The following RYR3 variants were observed in gnomAD, a reference collection of about 807,000 sequenced individuals.
RYR3 encodes the protein ryanodine receptor 3.
In RYR3, 207 loss-of-function variants were observed where a neutral mutation model predicts 584.3. That is an observed-to-expected ratio of 0.35 (90% CI 0.32 to 0.40). RYR3 has a LOEUF of 0.40. Ranked by LOEUF, RYR3 falls within the 10% of genes least tolerant of loss-of-function variation. The pLI is 1.00. For synonymous variants in RYR3, 2,416 were observed against 2,248.5 expected, an observed-to-expected ratio of 1.07 and a Z score of -2.11; for missense variants, 5,616 against 6,089.2, an observed-to-expected ratio of 0.92 and a Z score of 2.59.
At chr15:33,784,361 A>G (rs735611) in intron 65 of RYR3, among the ~76,000 whole-genome samples, 30 of 152,352 alleles carry the variant, frequency 2.0e-4, no homozygotes, top group African/African-American at 7.0e-4. Context: ...CTAGAGAAGA[A>G]AGACCTCAAG....
rs1445469952 is a variant in RYR3 at position 33,724,094 on chromosome 15, A to G, written c.6830A>G (p.Glu2277Gly). The change falls in exon 45 of 104, where the codon GAA becomes GGA. Residue 2277 changes from glutamate to glycine, a missense_variant. By Grantham distance (98) the Glu-to-Gly change is moderately conservative. This residue lies in a region of RYR3 where 1,280 missense variants were observed against 1,426.2 expected (regional missense o/e 0.90). Transcript: ENST00000634891. ...VSTGDDEEEE[E>G]IVHMGNAIMS... Reference sequence around the variant, plus strand: ...ACGGGGGACGATGAAGAGGAAGAAGAAATCGTGCATATGGGCAATGCAATT... The same window carrying G: ...ACGGGGGACGATGAAGAGGAAGAAGGAATCGTGCATATGGGCAATGCAATT... 1.2e-6 allele frequency: 2 copies of G among 1,611,842 alleles called. No individual in the cohort carries two copies. The highest frequency in any genetic ancestry group is 1.3e-5 in the African/African-American group (1 of 74,896).
intron 102 of RYR3, among the ~76,000 whole-genome samples, chr15:33,863,119 C>T (rs72716833): frequency 0.01 from 1,544 of 152,230 alleles, 11 homozygotes; most frequent in Non-Finnish European, 0.016. Context: ...GGCACTGTTA[C>T]ACTGGTCTCT....
Position 33,825,657 on chromosome 15 carries a change from G to A in RYR3, c.11127G>A (p.Met3709Ile). ...AGAATAAAGCTGAAGGCCTGGGGATGGTGACTGAAGAAGGAACACGTAAGT... is the reference window on the plus strand; with the variant it reads ...AGAATAAAGCTGAAGGCCTGGGGATAGTGACTGAAGAAGGAACACGTAAGT... ...ERQNKAEGLG[M>I]VTEEGTLIVR... Residue 3709 changes from methionine (M) to isoleucine (I), a missense_variant, in exon 82 of 104, where the codon ATG (methionine) becomes ATA (isoleucine). Met to Ile is a conservative substitution (Grantham distance 10). Around this residue, in one of 9 missense-constraint regions of RYR3, gnomAD observed 954 missense variants for 1,132.2 expected, o/e 0.84. Transcript: ENST00000634891. The A allele has an allele frequency of 1.2e-6, 2 of 1,608,590 alleles. No individual in the cohort carries two copies. Among genetic ancestry groups the A allele is most frequent in the South Asian group, 1.1e-5 (1 of 90,922 alleles).
rs932569732 is a variant in RYR3 at position 33,580,019 on chromosome 15, G to A, written c.1312G>A (p.Glu438Lys). 14 of 1,613,250 alleles carry A rather than the reference G, an allele frequency of 8.7e-6. No homozygotes were observed. Among genetic ancestry groups the A allele is most frequent in the Non-Finnish European group, 1.1e-5 (13 of 1,179,566 alleles). ...TAAPITLPIE[E>K]VLQTLQDLIA... Reference sequence around the variant, plus strand: ...TGCCCCCATCACCCTGCCTATAGAAGAAGTCCTGCAGACCCTACAGGACTT... The same window carrying A: ...TGCCCCCATCACCCTGCCTATAGAAAAAGTCCTGCAGACCCTACAGGACTT... Residue 438 changes from glutamate (E) to lysine (K), a missense_variant, in exon 13 of 104, where the codon GAA becomes AAA. Coordinates refer to ENST00000634891, the MANE Select transcript of RYR3 (RefSeq NM_001036.6).
chr15:33,774,471 C>T (rs1473320644), intron 64 of RYR3, among the ~76,000 whole-genome samples: 5 of 152,116 alleles, frequency 3.3e-5, no homozygotes, highest in African/African-American at 1.2e-4. Context: ...TGGTAGTGAA[C>T]CCTCGTCTCA....
At position 33,736,217 on chromosome 15, in the gene RYR3, T is replaced by A; in HGVS notation, c.7425-18T>A. 6.6e-7 allele frequency: 1 copy of A among 1,518,600 alleles called. No homozygotes were observed. Among genetic ancestry groups the A allele is most frequent in the Non-Finnish European group, 9.1e-7 (1 of 1,095,340 alleles). 94.1% of individuals were successfully genotyped at this position (1,518,600 alleles called of 1,614,324 possible). On this transcript the variant is annotated intron_variant, in intron 48 of 103. Coordinates refer to ENST00000634891, the MANE Select transcript of RYR3 (RefSeq NM_001036.6). The stretch of plus-strand genomic sequence containing the variant: ...TGTTTTCATTTTATTTATCTACGTT[T>A]GTCATTTCATACTGCAGTCACTTGA...
chr15:33,799,127 C>T (rs980932685), intron 67 of RYR3, among the ~76,000 whole-genome samples: 6 of 152,136 alleles, frequency 3.9e-5, no homozygotes, highest in Admixed American at 1.3e-4. Context: ...TGTATTTGCT[C>T]TTCATCTCTG....
At chr15:33,557,826 A>G (rs1487851759) in intron 10 of RYR3, among the ~76,000 whole-genome samples, 3 of 152,236 alleles carry the variant, frequency 2.0e-5, no homozygotes, top group South Asian at 2.1e-4. Flanking sequence ...TAATATGACA[A>G]TTATGACGTG....
chr15:33,354,681 C>T (rs1973720935), intron 1 of RYR3, among the ~76,000 whole-genome samples: 1 of 152,164 alleles, frequency 6.6e-6, no homozygotes, highest in African/African-American at 2.4e-5. Context: ...CTAACTCTCA[C>T]ATATACTCTT....
chr15:33,334,539 G>C (rs1475013907), intron 1 of RYR3, among the ~76,000 whole-genome samples: 4 of 152,048 alleles, frequency 2.6e-5, no homozygotes, highest in African/African-American at 9.7e-5. Context: ...ACTCAAGATG[G>C]ATTAAATACT....
chr15:33,824,812 T>A (rs2152962572), intron 81 of RYR3, among the ~76,000 whole-genome samples: 1 of 152,342 alleles, frequency 6.6e-6, no homozygotes, highest in Non-Finnish European at 1.5e-5. Flanking sequence ...TTCTATGTTC[T>A]ATGAAACCTT....
At chr15:33,588,796 T>C (rs1185358968) in intron 16 of RYR3, among the ~76,000 whole-genome samples, 1 of 146,008 alleles carries the variant, frequency 6.8e-6, no homozygotes, top group Admixed American at 6.9e-5. Flanking sequence ...TCTTTTTTTA[T>C]GACTGAACAG....
chr15:33,781,208 T>C (rs890563290), intron 65 of RYR3, among the ~76,000 whole-genome samples: 1 of 152,206 alleles, frequency 6.6e-6, no homozygotes, highest in Non-Finnish European at 1.5e-5. Context: ...GATAAGGGAA[T>C]AGAATAGAGG....
intron 3 of RYR3, among the ~76,000 whole-genome samples, chr15:33,528,147 G>T (rs1272638608): frequency 1.3e-5 from 2 of 151,948 alleles, no homozygotes; most frequent in Admixed American, 1.3e-4. Context: ...CCCTTTCTAA[G>T]GTACAATTTT....
chr15:33,334,363 G>A (rs1444054798), intron 1 of RYR3, among the ~76,000 whole-genome samples: 1 of 151,970 alleles, frequency 6.6e-6, no homozygotes, highest in Non-Finnish European at 1.5e-5. Flanking sequence ...AATAGAGAAC[G>A]CAGAAATAAG....
At chr15:33,705,101 TTCTCTCTCTCTCTC>T (rs10534581) in intron 42 of RYR3, among the ~76,000 whole-genome samples, 5 of 142,190 alleles carry the variant, frequency 3.5e-5, no homozygotes, top group Non-Finnish European at 4.5e-5. Context: ...CACACACTCT[TTCTCTCTCTCTCTC>T]TCTCTCTCTC....
At chr15:33,504,545 C>T (rs1013643986) in intron 3 of RYR3, among the ~76,000 whole-genome samples, 1 of 152,218 alleles carries the variant, frequency 6.6e-6, no homozygotes, top group Non-Finnish European at 1.5e-5. Context: ...TCCTCCTATA[C>T]TTACCCCCTC....
chr15:33,580,207 T>A, intron 13 of RYR3, 63 bp downstream of exon 13: 1 of 1,294,890 alleles, frequency 7.7e-7, no homozygotes, highest in Non-Finnish European at 1.1e-6. Flanking sequence ...TCCCTGTGAC[T>A]ACAACTTAGC....
chr15:33,639,563 C>A (rs147739125), intron 27 of RYR3, among the ~76,000 whole-genome samples: 3 of 152,272 alleles, frequency 2.0e-5, no homozygotes, highest in South Asian at 2.1e-4. Flanking sequence ...TACCTCCCCC[C>A]ACCCCGTAAA....
Sources: gnomAD v4.1 joint callset for allele counts (sites outside exome capture counted in the v4.1 genomes callset) on GRCh38, gnomAD v4.1.1 for gene constraint, gnomAD v4.1.1 regional missense constraint, MANE v1.5 for transcripts, NCBI Gene and HGNC (gene_info 2026-07-23, HGNC 2026-07-21) for gene names.